GABRR3: variants seen among roughly 807,000 people sequenced by gnomAD.
The protein encoded by GABRR3 is gamma-aminobutyric acid type A receptor subunit rho3.
A neutral mutation model predicts 43.2 loss-of-function variants in GABRR3; 29 were observed. The observed-to-expected ratio is 0.67, with a 90% CI of 0.50 to 0.92. GABRR3 has a LOEUF of 0.92. Among genes scored for constraint, GABRR3 ranks in the 40% least tolerant of loss-of-function variants. The pLI is 0.00. For missense variants in GABRR3, 576 were observed against 572.3 expected (o/e 1.01, Z -0.07); for synonymous variants, 206 against 195.9 (o/e 1.05, Z -0.43).
Position 98,034,894 on chromosome 3 carries a change from G to A in GABRR3, c.94C>T (p.Gln32Ter), listed in dbSNP as rs916694125. The stretch of plus-strand genomic sequence containing the variant: ...TGTTTCATTGAAGAGGAGCACCGCT[G>A]GTGTGTCATCTTGATGTTAGAAGCA... Residue 32 changes from glutamine to a stop codon, truncating the protein, a stop_gained, in exon 2 of 10, where the codon CAG becomes TAG. Coordinates refer to ENST00000621172, the Ensembl canonical transcript of GABRR3. LOFTEE classifies it high-confidence loss of function. The A allele has an allele frequency of 7.4e-6, 12 of 1,612,972 alleles. No individual in the cohort carries two copies. The highest frequency in any genetic ancestry group is 8.5e-6 in the Non-Finnish European group (10 of 1,179,308).
intron 3 of GABRR3, among the ~76,000 whole-genome samples, chr3:98,023,292 G>A (rs1576049390): frequency 2.0e-5 from 3 of 152,256 alleles, no homozygotes; most frequent in Admixed American, 6.5e-5. Context: ...TCTAGGATAG[G>A]AGCGAGTTTA....
At chr3:98,006,975 C>A (rs1706730053) in intron 7 of GABRR3, among the ~76,000 whole-genome samples, 1 of 152,098 alleles carries the variant, frequency 6.6e-6, no homozygotes, top group African/African-American at 2.4e-5. Flanking sequence ...ATTCATTCAG[C>A]TGATTTTTAT....
intron 7 of GABRR3, among the ~76,000 whole-genome samples, chr3:98,002,619 C>T (rs914661006): frequency 2.0e-5 from 3 of 151,962 alleles, no homozygotes; most frequent in Admixed American, 6.6e-5. Context: ...TATTACCTTG[C>T]TTTATTTCAC....
intron 2 of GABRR3, among the ~76,000 whole-genome samples, chr3:98,032,614 C>T (rs967473469): frequency 3.9e-5 from 6 of 152,274 alleles, no homozygotes; most frequent in Admixed American, 3.3e-4. Flanking sequence ...CCTCTCCCTA[C>T]TTTGTTTTTA....
intron 2 of GABRR3, among the ~76,000 whole-genome samples, chr3:98,028,128 T>C (rs832045): frequency 0.46 from 69,977 of 151,918 alleles, 16,533 homozygotes; most frequent in East Asian, 0.54. Flanking sequence ...TAAAATTTTA[T>C]TAAAATTGTA....
intron 2 of GABRR3, among the ~76,000 whole-genome samples, chr3:98,027,150 A>T (rs1291951654): frequency 6.6e-6 from 1 of 152,210 alleles, no homozygotes. Flanking sequence ...TTAAAAAAAA[A>T]TAGCAGCTAG....
chr3:98,015,626 C>T (rs1025409774), intron 4 of GABRR3, among the ~76,000 whole-genome samples: 3 of 152,144 alleles, frequency 2.0e-5, no homozygotes, highest in Non-Finnish European at 4.4e-5. Flanking sequence ...CAGTTAGGGC[C>T]TTTATCATTA....
intron 4 of GABRR3, among the ~76,000 whole-genome samples, chr3:98,013,874 A>G (rs1043394543): frequency 1.3e-5 from 2 of 152,228 alleles, no homozygotes; most frequent in African/African-American, 4.8e-5. Context: ...CACTGGGCAA[A>G]CACTGAGTTT....
intron 8 of GABRR3, chr3:97,997,975 T>G (rs1276617516): frequency 1.3e-5 from 2 of 152,110 alleles, no homozygotes; most frequent in East Asian, 3.8e-4. Context: ...ATTAGAACTC[T>G]CTAACAGTCT....
intron 4 of GABRR3, among the ~76,000 whole-genome samples, chr3:98,014,136 A>G (rs143152146): frequency 3.9e-5 from 6 of 152,348 alleles, no homozygotes; most frequent in African/African-American, 1.2e-4. Context: ...AGCATTTTCA[A>G]ACTGGGCATG....
exon 9 of GABRR3, chr3:97,992,859 G>T: frequency 1.2e-6 from 2 of 1,606,238 alleles, no homozygotes; most frequent in East Asian, 4.5e-5. Flanking sequence ...TACCTTTCCT[G>T]TCTTCTTGAA....
chr3:98,017,758 G>C lies in GABRR3; in HGVS notation c.239-36C>G, dbSNP rs531611239. On this transcript the variant is annotated intron_variant, in intron 3 of 9. Coordinates refer to ENST00000621172, the Ensembl canonical transcript of GABRR3. ...AAGAATGGTTAATATGCTGAGGAAT[G>C]CATTATAATCATTTTAAAACCATTT... 14 of 1,393,876 alleles carry C rather than the reference G, an allele frequency of 1.0e-5. No homozygotes were observed. In the African/African-American group the frequency reaches 1.1e-4, roughly 11 times the overall value. 86.3% of individuals were successfully genotyped at this position (1,393,876 alleles called of 1,614,324 possible).
intron 3 of GABRR3, among the ~76,000 whole-genome samples, chr3:98,019,190 T>G (rs1381258796): frequency 6.6e-6 from 1 of 151,940 alleles, no homozygotes; most frequent in Non-Finnish European, 1.5e-5. Context: ...AAGAAAGATT[T>G]AGAGGAGTCA....
At position 97,990,348 on chromosome 3, in the gene GABRR3, C is replaced by CT. The variant is rs777800508; in HGVS notation, c.1104+2503dup. 4.3e-3 allele frequency among the ~76,000 whole-genome samples: 614 copies of CT among 141,644 alleles called. 3 individuals carry two copies. Among genetic ancestry groups the CT allele is most frequent in the Middle Eastern group, 0.011 (3 of 276 alleles). 92.9% of individuals were successfully genotyped at this position (141,644 alleles called of 152,430 possible). A position where few individuals can be genotyped will look rare whatever the true frequency, so the allele number is the denominator to read the frequency against. On this transcript the variant is annotated intron_variant, in intron 9 of 9. Coordinates refer to ENST00000621172, the Ensembl canonical transcript of GABRR3. ...ATTTGGTTTGCCATCAAGACTTCTT[C>CT]TTTTTTTTTTTTTAGACGGAGTCTT...
chr3:98,026,100 T>C (rs1383647675), intron 2 of GABRR3, among the ~76,000 whole-genome samples: 4 of 152,056 alleles, frequency 2.6e-5, no homozygotes, highest in African/African-American at 7.2e-5. Flanking sequence ...ATCCTTGGGG[T>C]CACTGGGGCT....
intron 8 of GABRR3, among the ~76,000 whole-genome samples, chr3:97,995,568 C>T (rs553593639): frequency 6.6e-6 from 1 of 150,626 alleles, no homozygotes; most frequent in African/African-American, 2.4e-5. Flanking sequence ...TATTTTAAAA[C>T]CAGCATTCTA....
At chr3:97,985,986 C>A (rs1442082778), downstream of GABRR3, among the ~76,000 whole-genome samples, 2 of 152,124 alleles carry the variant, frequency 1.3e-5, no homozygotes, top group African/African-American at 4.8e-5. Context: ...CCTGCCTCAG[C>A]CTCCCAAGTA....
chr3:98,034,311 C>G (rs547460593), intron 2 of GABRR3, among the ~76,000 whole-genome samples: 3 of 152,076 alleles, frequency 2.0e-5, no homozygotes, highest in African/African-American at 7.2e-5. Context: ...CTTACTAGCA[C>G]GTCCAAACAT....
chr3:98,035,049 TTTC>T, intron 1 of GABRR3, 60 bp from the exon 2 acceptor site: 1 of 1,551,454 alleles, frequency 6.4e-7, no homozygotes. Flanking sequence ...GTGATCACAG[TTTC>T]TTCTTCATGT....
Sources: allele counts gnomAD v4.1 joint callset (sites outside exome capture counted in the v4.1 genomes callset), GRCh38; gene constraint gnomAD v4.1.1; transcripts MANE v1.5; gene names NCBI Gene and HGNC (gene_info 2026-07-23, HGNC 2026-07-21).